RGSL1: variants seen among roughly 807,000 people sequenced by gnomAD.
RGSL1 encodes the protein regulator of G protein signaling protein-like.
RGSL1 carries 97 observed loss-of-function variants against 124.7 expected under a neutral mutation model. The ratio of observed to expected loss-of-function variants is 0.78; its 90% CI spans 0.66 to 0.92. RGSL1 has a LOEUF of 0.92. Among genes scored for constraint, RGSL1 ranks in the 40% least tolerant of loss-of-function variants. RGSL1 has a pLI of 0.00. For missense variants in RGSL1, 1,233 were observed against 1,288.4 expected (o/e 0.96, Z 0.66); for synonymous variants, 424 against 438.1 (o/e 0.97, Z 0.40).
At chr1:182,455,353 G>C (rs971302980) in intron 2 of RGSL1, among the ~76,000 whole-genome samples, 1 of 152,214 alleles carries the variant, frequency 6.6e-6, no homozygotes, top group South Asian at 2.1e-4. Flanking sequence ...AGGCCAAGGT[G>C]GGGGGATCAC....
At chr1:182,472,831 C>A (rs912192143) in intron 5 of RGSL1, among the ~76,000 whole-genome samples, 16 of 152,152 alleles carry the variant, frequency 1.1e-4, no homozygotes, top group Admixed American at 1.0e-3. Context: ...TTGAAAAGCA[C>A]CTGTAACATT....
chr1:182,454,586 A>ATGTGTGTGTGTGTGTGTG (rs68163917), intron 2 of RGSL1, among the ~76,000 whole-genome samples: 1 of 144,508 alleles, frequency 6.9e-6, no homozygotes, highest in African/African-American at 2.6e-5. Context: ...CTTGAGTTGT[A>ATGTGTGTGTGTGTGTGTG]TGTGTGTGTG....
intron 9 of RGSL1, among the ~76,000 whole-genome samples, chr1:182,499,399 T>A (rs964483792): frequency 6.6e-6 from 1 of 152,230 alleles, no homozygotes; most frequent in Admixed American, 6.5e-5. Flanking sequence ...TTAAGTCTTG[T>A]TTAATTGAAC....
intron 6 of RGSL1, among the ~76,000 whole-genome samples, chr1:182,487,230 G>T (rs1221344621): frequency 6.6e-6 from 1 of 152,158 alleles, no homozygotes; most frequent in Non-Finnish European, 1.5e-5. Flanking sequence ...TTCGCTGCAT[G>T]ATTGAGGCAG....
At position 182,489,218 on chromosome 1, in the gene RGSL1, G is replaced by T; in HGVS notation, c.1717+16G>T. On this transcript the variant is annotated intron_variant, in intron 8 of 21. Transcript: ENST00000294854. ...TTTCTAACAGGTCAGAGCAGTCACT[G>T]TAATTTTTTTGACCTTTACATATGG... The T allele has an allele frequency of 6.5e-7, 1 of 1,544,476 alleles. No individual in the cohort carries two copies. The highest frequency in any genetic ancestry group is 2.4e-5 in the East Asian group (1 of 40,896).
chr1:182,529,162 T>C (rs1159165082), intron 11 of RGSL1, among the ~76,000 whole-genome samples: 2 of 152,236 alleles, frequency 1.3e-5, no homozygotes, highest in Non-Finnish European at 2.9e-5. Flanking sequence ...TACTTTCACA[T>C]GTATCCTTTC....
In RGSL1 at chr1:182,482,987, G is replaced by A. The variant is rs961773584; in HGVS notation, c.1432-5298G>A. 1.2e-4 allele frequency among the ~76,000 whole-genome samples: 19 copies of A among 152,112 alleles called. No individual in the cohort carries two copies. In the East Asian group the frequency reaches 3.7e-3, roughly 29 times the overall value. Reference sequence around the variant, plus strand: ...GCAACAACATAGATGAGACCTGGAGGACATCATGCTAATTAAAATAAGTGA... The same window carrying A: ...GCAACAACATAGATGAGACCTGGAGAACATCATGCTAATTAAAATAAGTGA... On this transcript the variant is annotated intron_variant, in intron 6 of 21. Coordinates refer to ENST00000294854, the MANE Select transcript of RGSL1 (RefSeq NM_001137669.2).
chr1:182,508,659 C>T (rs1299254963), intron 9 of RGSL1, among the ~76,000 whole-genome samples: 1 of 106,694 alleles, frequency 9.4e-6, no homozygotes, highest in Non-Finnish European at 1.9e-5. Flanking sequence ...TTTCATATAC[C>T]TATTGACTAT....
intron 9 of RGSL1, among the ~76,000 whole-genome samples, chr1:182,501,932 C>A (rs905376467): frequency 1.3e-5 from 2 of 152,104 alleles, no homozygotes; most frequent in African/African-American, 4.8e-5. Context: ...CCCATTCAAA[C>A]TGTTATTTTT....
chr1:182,491,826 T>G (rs1655546468), intron 8 of RGSL1, among the ~76,000 whole-genome samples: 1 of 151,642 alleles, frequency 6.6e-6, no homozygotes, highest in Admixed American at 6.6e-5. Flanking sequence ...ATACTCTAAA[T>G]CCCAGAACTC....
chr1:182,460,860 C>A (rs10911080), intron 4 of RGSL1: 66,338 of 393,288 alleles, frequency 0.17, 6,065 homozygotes, highest in Admixed American at 0.26. Flanking sequence ...GCTCTTTGCA[C>A]AGTGGCAGCT....
chr1:182,513,543 T>C (rs1178501293), intron 9 of RGSL1, among the ~76,000 whole-genome samples: 2 of 152,214 alleles, frequency 1.3e-5, no homozygotes, highest in South Asian at 2.1e-4. Context: ...AGTTAAACTT[T>C]AGAAGAGAGA....
chr1:182,449,691 G>A (rs1183137171), upstream of RGSL1, among the ~76,000 whole-genome samples: 6 of 152,174 alleles, frequency 3.9e-5, no homozygotes, highest in Non-Finnish European at 8.8e-5. Flanking sequence ...AAGTTCAGTG[G>A]TGTGATCACA....
intron 2 of RGSL1, among the ~76,000 whole-genome samples, chr1:182,456,632 T>C (rs575587592): frequency 6.6e-6 from 1 of 152,246 alleles, no homozygotes; most frequent in East Asian, 1.9e-4. Context: ...ATCAGTCAAT[T>C]CACCAACACA....
chr1:182,552,201 C>T (rs1318658586), intron 18 of RGSL1, among the ~76,000 whole-genome samples: 2 of 151,974 alleles, frequency 1.3e-5, no homozygotes, highest in Non-Finnish European at 2.9e-5. Flanking sequence ...GCAAGCTCCA[C>T]CTCCTGGGTT....
At chr1:182,498,801 T>C (rs1156968809) in intron 9 of RGSL1, among the ~76,000 whole-genome samples, 2 of 147,996 alleles carry the variant, frequency 1.4e-5, no homozygotes, top group African/African-American at 4.9e-5. Flanking sequence ...TGTTTGTTTG[T>C]TTTTTTTTGA....
chr1:182,474,775 C>T (rs142376146), intron 6 of RGSL1, among the ~76,000 whole-genome samples: 9 of 152,156 alleles, frequency 5.9e-5, no homozygotes, highest in Admixed American at 6.5e-5. Context: ...AGGTGAACAG[C>T]GGGTAAGCAA....
chr1:182,543,366 T>A (rs1490159929), intron 15 of RGSL1, among the ~76,000 whole-genome samples: 1 of 152,212 alleles, frequency 6.6e-6, no homozygotes, highest in Non-Finnish European at 1.5e-5. Context: ...GATTTGCGTA[T>A]GTTGAATCAC....
At chr1:182,498,196 A>C (rs770514105) in intron 9 of RGSL1, among the ~76,000 whole-genome samples, 18 of 152,032 alleles carry the variant, frequency 1.2e-4, no homozygotes, top group Non-Finnish European at 2.1e-4. Context: ...GTTATAATTC[A>C]TTACTGTGAT....
Sources: gnomAD v4.1 joint callset for allele counts (sites outside exome capture counted in the v4.1 genomes callset) on GRCh38, gnomAD v4.1.1 for gene constraint, MANE v1.5 for transcripts, NCBI Gene and HGNC (gene_info 2026-07-23, HGNC 2026-07-21) for gene names.